ZNF620: variants seen among roughly 807,000 people sequenced by gnomAD.
The protein encoded by ZNF620 is zinc finger protein 620.
Under a neutral mutation model 13.3 loss-of-function variants are expected in ZNF620, and 10 were observed. That is an observed-to-expected ratio of 0.75 (90% CI 0.46 to 1.28). The LOEUF (loss-of-function observed/expected upper bound fraction) is 1.28, where lower values mean the gene tolerates loss of function less well. ZNF620 is among the 50% of genes most tolerant of loss of function. The probability of loss-of-function intolerance (pLI) is 0.00; values close to 1 mark genes in which losing one functional copy is unlikely to be tolerated. For missense variants in ZNF620, 461 were observed against 500.2 expected (o/e 0.92, Z 0.75); for synonymous variants, 166 against 177.6 (o/e 0.93, Z 0.52).
Position 40,517,367 on chromosome 3 carries a change from C to G in ZNF620, c.*504C>G, listed in dbSNP as rs1427108498. On this transcript the variant is annotated 3_prime_UTR_variant, in exon 5 of 5. Transcript: ENST00000314529. Reference sequence around the variant, plus strand: ...ACCAGCCCGCCCAATATGGTGAAACCCCGTCTCTCCTGAAAAAAAAAAACA... The same window carrying G: ...ACCAGCCCGCCCAATATGGTGAAACGCCGTCTCTCCTGAAAAAAAAAAACA... The G allele has an allele frequency of 6.7e-6, 1 of 150,164 alleles. No homozygotes were observed. The highest frequency in any genetic ancestry group is 1.5e-5 in the Non-Finnish European group (1 of 67,942). The allele number at this position is 150,164 out of a possible 1,614,324, so 9.3% of individuals were successfully genotyped here.
At chr3:40,511,902 G>A (rs373710183) in intron 3 of ZNF620, among the ~76,000 whole-genome samples, 8 of 151,832 alleles carry the variant, frequency 5.3e-5, no homozygotes, top group Non-Finnish European at 7.4e-5. Flanking sequence ...GGCTGGTCTC[G>A]AACTCCTGGC....
rs1698436863 is a variant in ZNF620, at chr3:40,517,787, CAG to C, written c.*926_*927del. 6.6e-6 allele frequency: 1 copy of C among 152,288 alleles called. No homozygotes were observed. Among genetic ancestry groups the C allele is most frequent in the African/African-American group, 2.4e-5 (1 of 41,554 alleles). 9.4% of individuals were successfully genotyped at this position (152,288 alleles called of 1,614,324 possible). On this transcript the variant is annotated 3_prime_UTR_variant, in exon 5 of 5. Transcript: ENST00000314529. ...AGGAGTAAACCAGTAAATAAAAAGA[CAG>C]ATATATGGATTCCCTATTGCAGTCC... is the stretch of plus-strand genomic sequence containing the variant.
rs755365013 is a variant in ZNF620, at chr3:40,515,966, C to T, written c.372C>T (p.Ser124=). The T allele has an allele frequency of 6.2e-7, 1 of 1,614,122 alleles. No homozygotes were observed. Among genetic ancestry groups the T allele is most frequent in the Non-Finnish European group, 8.5e-7 (1 of 1,180,022 alleles). The change falls in exon 5 of 5, where the codon TCC becomes TCT. Residue 124 remains serine (S), a synonymous_variant. Transcript: ENST00000314529. ...TGGGGGGCCTGCCAGGGAATGTTTC[C>T]CAGCACCTTGACTTTGGGAGCAGCC... ...LMVGGLPGNV[S]QHLDFGSSLE...
At position 40,516,124 on chromosome 3, in the gene ZNF620, T is replaced by C. The variant is rs774086371; in HGVS notation, c.530T>C (p.Ile177Thr). The change falls in exon 5 of 5, where the codon ATT becomes ACT. Residue 177 changes from isoleucine (I) to threonine (T), a missense_variant. Transcript: ENST00000314529. The stretch of plus-strand genomic sequence containing the variant: ...AAGTTTGAGAAATTAGGAAAAAATA[T>C]TAGCGTCAGCACACAACTCACTACA... ...GEKFEKLGKN[I>T]SVSTQLTTNQ... 16 of 1,613,954 alleles carry C rather than the reference T, an allele frequency of 9.9e-6. No homozygotes were observed. The South Asian group carries it at 1.8e-4, about 18-fold the overall frequency.
Position 40,512,467 on chromosome 3 carries a change from G to A in ZNF620, c.217G>A (p.Asp73Asn), listed in dbSNP as rs140020876. 1.3e-4 allele frequency: 206 copies of A among 1,614,168 alleles called. No individual in the cohort carries two copies. The African/African-American group carries it at 2.3e-3, about 18-fold the overall frequency. ...LEQGELPWGL[D>N]PWEPMGREAL... is the part of the protein sequence containing the mutation. ...GCAAGGGGAACTGCCATGGGGCCTC[G>A]ATCCCTGGGAACCTATGGGCAGGGA... The change falls in exon 4 of 5, where the codon GAT (aspartate) becomes AAT (asparagine). Residue 73 changes from aspartate to asparagine, a missense_variant. Coordinates refer to ENST00000314529, the MANE Select transcript of ZNF620 (RefSeq NM_175888.4).
intron 4 of ZNF620, 80 bp from the exon 5 acceptor site, chr3:40,515,780 T>TTG (rs10550548): frequency 0.019 from 17,781 of 938,694 alleles, 83 homozygotes; most frequent in East Asian, 0.089. Context: ...AGCACAGATA[T>TTG]TGTGTGTGTG....
intron 2 of ZNF620, among the ~76,000 whole-genome samples, chr3:40,507,461 C>A (rs182166609): frequency 6.6e-6 from 1 of 152,156 alleles, no homozygotes; most frequent in Non-Finnish European, 1.5e-5. Context: ...TGGGATAAAA[C>A]CGACTTCGTC....
intron 2 of ZNF620, among the ~76,000 whole-genome samples, chr3:40,510,637 C>T (rs1480548215): frequency 6.6e-6 from 1 of 152,200 alleles, no homozygotes; most frequent in Non-Finnish European, 1.5e-5. Flanking sequence ...TTTGCTTCCC[C>T]TTCTGCCAGA....
chr3:40,507,195 G>A lies in ZNF620; in HGVS notation c.24+819G>A, dbSNP rs148025151. ...CACCCTCCACCTCTGGGGTTCAAGC[G>A]ATTCTCCTGCCTCAGCCTCCCGAGT... On this transcript the variant is annotated intron_variant, in intron 2 of 4. Transcript: ENST00000314529. Among the ~76,000 whole-genome samples, 313 of 147,850 alleles carry A rather than the reference G, an allele frequency of 2.1e-3. 1 individual carries two copies. Among genetic ancestry groups the A allele is most frequent in the African/African-American group, 7.6e-3 (302 of 39,908 alleles).
At chr3:40,506,279 C>T in intron 1 of ZNF620, 25 bp from the exon 2 acceptor site, 3 of 1,593,962 alleles carry the variant, frequency 1.9e-6, no homozygotes, top group South Asian at 2.2e-5. Context: ...TCAATCTCAC[C>T]GGTGCTTCTT....
chr3:40,512,367 C>G, intron 3 of ZNF620, 35 bp from the exon 4 acceptor site: 1 of 1,586,076 alleles, frequency 6.3e-7, no homozygotes, highest in Non-Finnish European at 8.7e-7. Flanking sequence ...TTCCTGATTC[C>G]CCTTACCTTT....
Position 40,511,591 on chromosome 3 carries a change from C to T in ZNF620, c.146C>T (p.Ser49Phe). 1.9e-6 allele frequency: 3 copies of T among 1,613,110 alleles called. No individual in the cohort carries two copies. The highest frequency in any genetic ancestry group is 2.5e-6 in the Non-Finnish European group (3 of 1,179,542). The change falls in exon 3 of 5, where the codon TCC becomes TTC. Residue 49 changes from serine (S) to phenylalanine (F), a missense_variant. Coordinates refer to ENST00000314529, the MANE Select transcript of ZNF620 (RefSeq NM_175888.4). ...VMLENYANVA[S>F]LAFPFTTPVL... is the part of the protein sequence containing the mutation. ...CTGGAGAATTATGCAAATGTGGCTT[C>T]CCTGGGTAAGACATTTCTTCTTGTT... is the stretch of plus-strand genomic sequence containing the variant.
Position 40,506,346 on chromosome 3 carries a change from G to A in ZNF620, c.-7G>A. ...CTGAGGCAGTGTGTGAAGCTGGGAC[G>A]CCAGCCATGTTCCAGACCGCTTGGC... On this transcript the variant is annotated 5_prime_UTR_variant, in exon 2 of 5. Coordinates refer to ENST00000314529, the MANE Select transcript of ZNF620 (RefSeq NM_175888.4). The A allele has an allele frequency of 6.2e-7, 1 of 1,613,972 alleles. No individual in the cohort carries two copies. The highest frequency in any genetic ancestry group is 8.5e-7 in the Non-Finnish European group (1 of 1,179,994).
At chr3:40,506,989 C>G (rs530788728) in intron 2 of ZNF620, among the ~76,000 whole-genome samples, 7 of 151,636 alleles carry the variant, frequency 4.6e-5, no homozygotes, top group African/African-American at 9.7e-5. Flanking sequence ...TGTCCTTTAT[C>G]AGGCATTCTC....
intron 2 of ZNF620, among the ~76,000 whole-genome samples, chr3:40,509,225 CT>C (rs971902201): frequency 6.6e-6 from 1 of 151,670 alleles, no homozygotes; most frequent in African/African-American, 2.4e-5. Context: ...TTTCTATTTT[CT>C]TTCTTTTCTT....
intron 2 of ZNF620, among the ~76,000 whole-genome samples, chr3:40,507,155 G>A (rs368659966): frequency 1.4e-5 from 2 of 141,906 alleles, no homozygotes; most frequent in Non-Finnish European, 3.0e-5. Flanking sequence ...GCAGTGGCGC[G>A]ATCCTGGTTC....
intron 4 of ZNF620, 80 bp from the exon 5 acceptor site, chr3:40,515,780 T>TTTTG: frequency 1.1e-6 from 1 of 940,248 alleles, no homozygotes. Flanking sequence ...AGCACAGATA[T>TTTTG]TGTGTGTGTG....
Position 40,516,831 on chromosome 3 carries a change from CTA to C in ZNF620, c.1238_1239del (p.Leu413ProfsTer47), listed in dbSNP as rs1559553250. The C allele has an allele frequency of 6.2e-7, 1 of 1,612,130 alleles. No individual in the cohort carries two copies. The highest frequency in any genetic ancestry group is 1.1e-5 in the South Asian group (1 of 90,870). ...WCGRFILHQKLHTQKTPVQA is the reference protein window; with the variant it reads ...WCGRFILHQKXHTQKTPVQA Reference sequence around the variant, plus strand: ...TGGAAGATTCATTCTGCATCAGAAACTACACACTCAGAAGACACCTGTCCAAG... The same window carrying C: ...TGGAAGATTCATTCTGCATCAGAAACCACACTCAGAAGACACCTGTCCAAG... On this transcript the variant is annotated frameshift_variant, in exon 5 of 5. Coordinates refer to ENST00000314529, the MANE Select transcript of ZNF620 (RefSeq NM_175888.4). LOFTEE classifies it low-confidence loss of function (END_TRUNC).
intron 2 of ZNF620, among the ~76,000 whole-genome samples, chr3:40,509,923 T>C (rs934193083): frequency 6.6e-6 from 1 of 152,224 alleles, no homozygotes; most frequent in African/African-American, 2.4e-5. Flanking sequence ...GCATGATATC[T>C]TGAAAATTGT....
Sources: allele counts gnomAD v4.1 joint callset (sites outside exome capture counted in the v4.1 genomes callset), GRCh38; gene constraint gnomAD v4.1.1; transcripts MANE v1.5; gene names NCBI Gene and HGNC (gene_info 2026-07-23, HGNC 2026-07-21).